BAHD1: variants seen among roughly 807,000 people sequenced by gnomAD.
The protein encoded by BAHD1 is bromo adjacent homology domain containing 1.
BAHD1 carries 20 observed loss-of-function variants against 63.1 expected under a neutral mutation model. The ratio of observed to expected loss-of-function variants is 0.32; its 90% CI spans 0.22 to 0.46. BAHD1 has a LOEUF of 0.46. BAHD1 is among the 20% of genes least tolerant of loss of function. The pLI is 1.00. For missense variants in BAHD1, 939 were observed against 1,071.8 expected, an observed-to-expected ratio of 0.88 and a Z score of 1.73; for synonymous variants, 408 against 426.8, an observed-to-expected ratio of 0.96 and a Z score of 0.54.
At chr15:40,438,210 A>C (rs1435474893), upstream of BAHD1, among the ~76,000 whole-genome samples, 2 of 152,172 alleles carry the variant, frequency 1.3e-5, no homozygotes, top group East Asian at 3.9e-4. Context: ...GACCGAAGGA[A>C]GGAGGAAGAG....
At chr15:40,464,156 G>A (rs903156446) in intron 4 of BAHD1, 136 bp downstream of exon 4, 5 of 1,081,530 alleles carry the variant, frequency 4.6e-6, no homozygotes, top group Non-Finnish European at 5.3e-6. Context: ...CCTTCCACTC[G>A]GCTGGGGTCT....
chr15:40,450,549 A>C (rs1893669799), intron 1 of BAHD1, among the ~76,000 whole-genome samples: 1 of 152,236 alleles, frequency 6.6e-6, no homozygotes, highest in Non-Finnish European at 1.5e-5. Context: ...CATCAGTAGC[A>C]CAAGGTTTTC....
At position 40,467,494 on chromosome 15, in the gene BAHD1, G is replaced by A. The variant is rs1183073502; in HGVS notation, c.*1364G>A. ...GGCTGGGGCTGAGAACTGCAGCCCT[G>A]GGTCTTCCCTTAGGGAGGAAGGGCA... On this transcript the variant is annotated 3_prime_UTR_variant, in exon 7 of 7. Transcript: ENST00000416165. The A allele has an allele frequency of 6.5e-6, 1 of 152,894 alleles. No homozygotes were observed. Among genetic ancestry groups the A allele is most frequent in the Non-Finnish European group, 1.5e-5 (1 of 68,258 alleles). 9.5% of individuals were successfully genotyped at this position (152,894 alleles called of 1,614,324 possible).
intron 1 of BAHD1, among the ~76,000 whole-genome samples, chr15:40,444,313 A>G (rs950151041): frequency 6.6e-6 from 1 of 152,124 alleles, no homozygotes; most frequent in Non-Finnish European, 1.5e-5. Flanking sequence ...TGGATAGGGC[A>G]TGTTTGGGGT....
At chr15:40,440,817 G>A (rs1393301196), upstream of BAHD1, among the ~76,000 whole-genome samples, 1 of 152,144 alleles carries the variant, frequency 6.6e-6, no homozygotes, top group Non-Finnish European at 1.5e-5. Context: ...CCGGGAGGGG[G>A]AGCCGAGGGC....
chr15:40,443,164 C>T (rs1396692463), intron 1 of BAHD1: 1 of 669,154 alleles, frequency 1.5e-6, no homozygotes, highest in African/African-American at 2.0e-5. Flanking sequence ...TGGTTAGAAG[C>T]CGCTCTCAAC....
At position 40,459,391 on chromosome 15, in the gene BAHD1, G is replaced by A; in HGVS notation, c.927G>A (p.Gly309=). 3.1e-6 allele frequency: 5 copies of A among 1,612,754 alleles called. No homozygotes were observed. Among genetic ancestry groups the A allele is most frequent in the Non-Finnish European group, 4.2e-6 (5 of 1,179,730 alleles). ...PLSKALESPL[G]LRPHLPLLMG... ...GCAAGGCTCTGGAGAGCCCTTTGGG[G>A]CTGCGCCCTCACCTGCCCCTGCTGA... is the stretch of plus-strand genomic sequence containing the variant. Residue 309 remains glycine, a synonymous_variant, in exon 2 of 7, where the codon GGG becomes GGA. Transcript: ENST00000416165.
Position 40,465,981 on chromosome 15 carries a change from A to G in BAHD1, c.2194A>G (p.Ser732Gly). 6.2e-7 allele frequency: 1 copy of G among 1,607,844 alleles called. No individual in the cohort carries two copies. Among genetic ancestry groups the G allele is most frequent in the Non-Finnish European group, 8.5e-7 (1 of 1,177,134 alleles). ...CAAGCGCCGAGGTGAAGGCCTCCCC[A>G]GCCGAAAGACAGCACTGGTTCCCCC... Reference protein sequence around the residue: ...MAKRRGEGLPSRKTALVPPSA... With the variant: ...MAKRRGEGLPGRKTALVPPSA... The change falls in exon 7 of 7, where the codon AGC becomes GGC. Residue 732 changes from serine (S) to glycine (G), a missense_variant. Ser to Gly is a moderately conservative substitution (Grantham distance 56). Around this residue, in one of 5 missense-constraint regions of BAHD1, gnomAD observed 68 missense variants for 86.2 expected, o/e 0.79. Coordinates refer to ENST00000416165, the MANE Select transcript of BAHD1 (RefSeq NM_014952.5).
intron 2 of BAHD1, 152 bp downstream of exon 2, chr15:40,460,048 G>T (rs1419760869): frequency 1.3e-5 from 14 of 1,041,558 alleles, no homozygotes; most frequent in African/African-American, 3.2e-5. Flanking sequence ...CCCGTAGTCT[G>T]TGCCCCAAGC....
Position 40,459,095 on chromosome 15 carries a change from G to C in BAHD1, c.631G>C (p.Ala211Pro), listed in dbSNP as rs1411752474. ...PKRLASLNAA[A>P]FLKLSQEREL... ...GAGACTGGCTAGCCTGAACGCAGCT[G>C]CTTTCCTAAAACTGAGCCAGGAGCG... Residue 211 changes from alanine (A) to proline (P), a missense_variant, in exon 2 of 7, where the codon GCT becomes CCT. Coordinates refer to ENST00000416165, the MANE Select transcript of BAHD1 (RefSeq NM_014952.5). 1 of 1,612,946 alleles carries C rather than the reference G, an allele frequency of 6.2e-7. No individual in the cohort carries two copies. The highest frequency in any genetic ancestry group is 8.5e-7 in the Non-Finnish European group (1 of 1,179,822).
At position 40,463,855 on chromosome 15, in the gene BAHD1, G is replaced by A. The variant is rs1894124065; in HGVS notation, c.1816-6G>A. 2 of 1,614,020 alleles carry A rather than the reference G, an allele frequency of 1.2e-6. No homozygotes were observed. The highest frequency in any genetic ancestry group is 2.2e-5 in the East Asian group (1 of 44,894). On this transcript the variant is annotated splice_polypyrimidine_tract_variant and splice_region_variant and intron_variant, in intron 3 of 6. Coordinates refer to ENST00000416165, the MANE Select transcript of BAHD1 (RefSeq NM_014952.5). ...AGCCTATTTGTGTCATTGGTTTGTT[G>A]CCTAGGATGAGCCGGAGCCAGCCAT...
Position 40,459,567 on chromosome 15 carries a change from G to T in BAHD1, c.1103G>T (p.Cys368Phe), listed in dbSNP as rs755371821. The T allele has an allele frequency of 9.3e-6, 15 of 1,614,204 alleles. No homozygotes were observed. The highest frequency in any genetic ancestry group is 3.3e-5 in the South Asian group (3 of 91,086). The change falls in exon 2 of 7, where the codon TGT becomes TTT. Residue 368 changes from cysteine to phenylalanine, a missense_variant. This residue lies in a region of BAHD1 where 797 missense variants were observed against 813.3 expected (regional missense o/e 0.98). Coordinates refer to ENST00000416165, the MANE Select transcript of BAHD1 (RefSeq NM_014952.5). ...PGNPADYNGL[C>F]VGPELTALGS... ...AACCCCGCCGACTACAATGGCCTGT[G>T]TGTTGGGCCTGAGCTCACTGCACTA... is the stretch of plus-strand genomic sequence containing the variant.
At chr15:40,444,849 C>A (rs1566958142) in intron 1 of BAHD1, among the ~76,000 whole-genome samples, 1 of 152,102 alleles carries the variant, frequency 6.6e-6, no homozygotes, top group Non-Finnish European at 1.5e-5. Flanking sequence ...CCCTTTCCCC[C>A]AAACCTCCCT....
At chr15:40,439,737 T>C (rs950352364), upstream of BAHD1, 1 of 152,270 alleles carries the variant, frequency 6.6e-6, no homozygotes, top group African/African-American at 2.4e-5. Flanking sequence ...GAGAACCTAC[T>C]GTGTGCATAT....
At chr15:40,457,731 C>T (rs138127350) in intron 1 of BAHD1, among the ~76,000 whole-genome samples, 5 of 152,294 alleles carry the variant, frequency 3.3e-5, no homozygotes, top group Non-Finnish European at 7.4e-5. Context: ...GACTCCTGGC[C>T]GGGGGCAGTG....
At chr15:40,452,099 G>C (rs1430365742) in intron 1 of BAHD1, among the ~76,000 whole-genome samples, 1 of 152,196 alleles carries the variant, frequency 6.6e-6, no homozygotes, top group Non-Finnish European at 1.5e-5. Flanking sequence ...CAGACCCGAG[G>C]GCAGTCTAAA....
rs769946899 is a variant in BAHD1, at chr15:40,464,579, C to T, written c.2052+32C>T. 8.9e-6 allele frequency: 14 copies of T among 1,575,790 alleles called. No individual in the cohort carries two copies. The African/African-American group carries it at 1.9e-4, about 21-fold the overall frequency. ...TGCCTGGCAGATGGGTCAGGGAGGG[C>T]AGGAGAGACAGAGGGAAAGGTTATG... On this transcript the variant is annotated intron_variant, in intron 5 of 6. Coordinates refer to ENST00000416165, the MANE Select transcript of BAHD1 (RefSeq NM_014952.5).
At position 40,466,251 on chromosome 15, in the gene BAHD1, T is replaced by G; in HGVS notation, c.*121T>G. ...GGCCTAAGTTTGCTGGCCTGTGGTT[T>G]TCTTGGGGGGGAGGGCAGGGGCCCC... On this transcript the variant is annotated 3_prime_UTR_variant, in exon 7 of 7. Transcript: ENST00000416165. The G allele has an allele frequency of 3.4e-6, 3 of 890,054 alleles. No individual in the cohort carries two copies. Among genetic ancestry groups the G allele is most frequent in the East Asian group, 3.1e-5 (1 of 32,052 alleles). 55.1% of individuals were successfully genotyped at this position (890,054 alleles called of 1,614,324 possible).
rs150360013 is a variant in BAHD1, at chr15:40,461,932, C to A, written c.1453C>A (p.Gln485Lys). The change falls in exon 3 of 7, where the codon CAG becomes AAG. Residue 485 changes from glutamine to lysine, a missense_variant. Physicochemically the swap from Gln to Lys is moderately conservative, Grantham distance 53 (BLOSUM62 1). Transcript: ENST00000416165. ...FAAEGCRSLG[Q>K]LEFPLPEAGH... ...CCTAGAAGGCTGCAGATCCCTGGGC[C>A]AGTTGGAATTTCCTCTCCCGGAAGC... is the stretch of plus-strand genomic sequence containing the variant. The A allele has an allele frequency of 6.2e-7, 1 of 1,604,184 alleles. No individual in the cohort carries two copies. The highest frequency in any genetic ancestry group is 8.5e-7 in the Non-Finnish European group (1 of 1,173,198).
Sources: allele counts gnomAD v4.1 joint callset (sites outside exome capture counted in the v4.1 genomes callset), GRCh38; gene constraint gnomAD v4.1.1; regional missense constraint gnomAD v4.1.1; transcripts MANE v1.5; gene names NCBI Gene and HGNC (gene_info 2026-07-23, HGNC 2026-07-21).